Variants in CENPU observed in about 807,000 individuals in gnomAD.
The protein encoded by CENPU is centromere protein U.
Under a neutral mutation model 56.7 loss-of-function variants are expected in CENPU, and 46 were observed. The observed-to-expected ratio is 0.81, with a 90% CI of 0.64 to 1.04. CENPU has a LOEUF of 1.04. CENPU is among the 50% of genes least tolerant of loss of function. CENPU has a pLI of 0.00. For missense variants in CENPU, 510 were observed against 490.1 expected, an observed-to-expected ratio of 1.04 and a Z score of -0.38; for synonymous variants, 166 against 163.0, an observed-to-expected ratio of 1.02 and a Z score of -0.14.
At chr4:184,711,789 A>G (rs1760932867) in intron 7 of CENPU, among the ~76,000 whole-genome samples, 1 of 149,860 alleles carries the variant, frequency 6.7e-6, no homozygotes, top group African/African-American at 2.5e-5. Context: ...TCATTTACCC[A>G]AGAGAAATGA....
intron 11 of CENPU, chr4:184,699,591 C>T: frequency 7.8e-7 from 1 of 1,289,014 alleles, no homozygotes; most frequent in Non-Finnish European, 1.0e-6. Context: ...TAGGCCAGCA[C>T]CTGTCCAGAG....
chr4:184,731,108 C>G, intron 1 of CENPU, 140 bp from the exon 2 acceptor site: 2 of 627,988 alleles, frequency 3.2e-6, no homozygotes, highest in Non-Finnish European at 2.7e-6. Context: ...TTTTATAGGT[C>G]AAATCCTATC....
chr4:184,704,935 T>A (rs529148255), intron 8 of CENPU, among the ~76,000 whole-genome samples: 1 of 152,290 alleles, frequency 6.6e-6, no homozygotes, highest in Non-Finnish European at 1.5e-5. Flanking sequence ...AAATAAAAAT[T>A]AGTGAGAACA....
In CENPU at chr4:184,734,032, G is replaced by A. The variant is rs761048977; in HGVS notation, c.31C>T (p.Pro11Ser). Residue 11 changes from proline to serine, a missense_variant, in exon 1 of 13, where the codon CCT (proline) becomes TCT (serine). Pro to Ser is a moderately conservative substitution (Grantham distance 74). Coordinates refer to ENST00000281453, the MANE Select transcript of CENPU (RefSeq NM_024629.4). MAPRGRRRPRPHRSEGARRSK... is the reference protein window; with the variant it reads MAPRGRRRPRSHRSEGARRSK... ...AGTACTTACCCCTCAGACCTGTGAG[G>A]CCGCGGCCGCCGCCGCCCCCGCGGG... 1.3e-6 allele frequency: 2 copies of A among 1,583,166 alleles called. No homozygotes were observed. The highest frequency in any genetic ancestry group is 1.7e-6 in the Non-Finnish European group (2 of 1,167,668).
chr4:184,718,080 T>C (rs2150220265), intron 4 of CENPU, among the ~76,000 whole-genome samples: 1 of 152,314 alleles, frequency 6.6e-6, no homozygotes, highest in South Asian at 2.1e-4. Context: ...ATGGATCTCC[T>C]ATGGTCAGTG....
Position 184,694,765 on chromosome 4 carries a change from G to GTATT in CENPU, c.*519_*522dup. ...AATTCCTGATGAACTAATTATAGAA[G>GTATT]TATTACAAGAGTAACTAATTCACTA... On this transcript the variant is annotated 3_prime_UTR_variant, in exon 13 of 13. Coordinates refer to ENST00000281453, the MANE Select transcript of CENPU (RefSeq NM_024629.4). 6.2e-7 allele frequency: 1 copy of GTATT among 1,609,802 alleles called. No homozygotes were observed.
chr4:184,710,465 T>C (rs948765648), intron 7 of CENPU: 3 of 249,836 alleles, frequency 1.2e-5, no homozygotes, highest in African/African-American at 6.7e-5. Context: ...TTATTTAGTA[T>C]TGTGCTGTTA....
At chr4:184,715,767 G>C (rs944250166) in intron 6 of CENPU, among the ~76,000 whole-genome samples, 1 of 152,110 alleles carries the variant, frequency 6.6e-6, no homozygotes, top group Non-Finnish European at 1.5e-5. Flanking sequence ...TCCATGAATG[G>C]AATGTTATGC....
chr4:184,698,691 C>CA (rs1760425073), intron 11 of CENPU, among the ~76,000 whole-genome samples: 1 of 152,196 alleles, frequency 6.6e-6, no homozygotes, highest in Non-Finnish European at 1.5e-5. Flanking sequence ...CTCAGTGATC[C>CA]ACCCGCCCCA....
intron 8 of CENPU, among the ~76,000 whole-genome samples, chr4:184,707,842 T>G (rs1442674916): frequency 6.6e-6 from 1 of 152,154 alleles, no homozygotes; most frequent in African/African-American, 2.4e-5. Flanking sequence ...TATTTTAGAA[T>G]AGCTGATCCA....
chr4:184,694,443 T>TAGAGTATAA lies in CENPU; in HGVS notation c.*836_*844dup. On this transcript the variant is annotated 3_prime_UTR_variant, in exon 13 of 13. Transcript: ENST00000281453. ...TGTCACTTAATACCTTACTTCAACA[T>TAGAGTATAA]AGAGTATAAGGTTAAATCACATATC... 1.3e-6 allele frequency: 2 copies of TAGAGTATAA among 1,507,684 alleles called. No individual in the cohort carries two copies. The highest frequency in any genetic ancestry group is 1.8e-6 in the Non-Finnish European group (2 of 1,125,758). The allele number at this position is 1,507,684 out of a possible 1,614,324, so 93.4% of individuals were successfully genotyped here. A position where few individuals can be genotyped will look rare whatever the true frequency, so the allele number is the denominator to read the frequency against.
chr4:184,698,951 T>C (rs896184458), intron 11 of CENPU, among the ~76,000 whole-genome samples: 2 of 152,164 alleles, frequency 1.3e-5, no homozygotes, highest in Non-Finnish European at 2.9e-5. Context: ...TTATATACCA[T>C]AGGTTTTTTT....
chr4:184,725,400 G>A (rs2150227950), intron 3 of CENPU, among the ~76,000 whole-genome samples: 1 of 152,308 alleles, frequency 6.6e-6, no homozygotes, highest in Admixed American at 6.5e-5. Context: ...GAAGCACCTG[G>A]GCTCAAGCGA....
Position 184,734,046 on chromosome 4 carries a change from C to T in CENPU, c.17G>A (p.Arg6Gln), listed in dbSNP as rs577969234. MAPRGRRRPRPHRSEG... is the reference protein window; with the variant it reads MAPRGQRRPRPHRSEG... ...AGACCTGTGAGGCCGCGGCCGCCGCCGCCCCCGCGGGGCCATGGTGCCGCT... is the reference window on the plus strand; with the variant it reads ...AGACCTGTGAGGCCGCGGCCGCCGCTGCCCCCGCGGGGCCATGGTGCCGCT... The change falls in exon 1 of 13, where the codon CGG becomes CAG. Residue 6 changes from arginine (R) to glutamine (Q), a missense_variant. Arg to Gln is a conservative substitution (Grantham distance 43, BLOSUM62 1). Coordinates refer to ENST00000281453, the MANE Select transcript of CENPU (RefSeq NM_024629.4). 1 of 1,573,332 alleles carries T rather than the reference C, an allele frequency of 6.4e-7. No individual in the cohort carries two copies. The highest frequency in any genetic ancestry group is 8.6e-7 in the Non-Finnish European group (1 of 1,161,586).
chr4:184,712,036 G>A (rs9715659), intron 7 of CENPU, among the ~76,000 whole-genome samples: 26,713 of 150,256 alleles, frequency 0.18, 2,669 homozygotes, highest in African/African-American at 0.26. Flanking sequence ...CAGGCGATTC[G>A]CTTGAACCTG....
At chr4:184,715,214 C>T (rs1196584893) in intron 6 of CENPU, among the ~76,000 whole-genome samples, 1 of 152,140 alleles carries the variant, frequency 6.6e-6, no homozygotes, top group Non-Finnish European at 1.5e-5. Context: ...AGTTTTCAAA[C>T]ATTAGCATAA....
At chr4:184,707,114 A>T (rs1354478327) in intron 8 of CENPU, among the ~76,000 whole-genome samples, 1 of 151,296 alleles carries the variant, frequency 6.6e-6, no homozygotes, top group Non-Finnish European at 1.5e-5. Flanking sequence ...AGAGTAAAAC[A>T]GGCACTTCTC....
chr4:184,703,490 C>A (rs1760613702), intron 8 of CENPU, among the ~76,000 whole-genome samples: 3 of 151,782 alleles, frequency 2.0e-5, no homozygotes, highest in South Asian at 4.2e-4. Context: ...TAAAAAAAAA[C>A]AAAACAACAA....
chr4:184,722,718 A>AAC (rs148948114), intron 4 of CENPU, among the ~76,000 whole-genome samples: 26,316 of 150,954 alleles, frequency 0.17, 2,523 homozygotes, highest in African/African-American at 0.25. Context: ...AACAAAACAA[A>AAC]AAAAAACTGT....
Sources: gnomAD v4.1 joint callset for allele counts (sites outside exome capture counted in the v4.1 genomes callset) on GRCh38, gnomAD v4.1.1 for gene constraint, MANE v1.5 for transcripts, NCBI Gene and HGNC (gene_info 2026-07-23, HGNC 2026-07-21) for gene names.